LMX1A: variants seen among roughly 807,000 people sequenced by gnomAD.
The protein encoded by LMX1A is LIM homeobox transcription factor 1 alpha, also known as LIM homeobox transcription factor 1-alpha.
A neutral mutation model predicts 49.1 loss-of-function variants in LMX1A; 15 were observed. That is an observed-to-expected ratio of 0.31 (90% CI 0.20 to 0.47). LMX1A has a LOEUF of 0.47. LMX1A is among the 20% of genes least tolerant of loss of function. The pLI is 1.00. For synonymous variants in LMX1A, 167 were observed against 185.7 expected (o/e 0.90, Z 0.82); for missense variants, 372 against 475.8 (o/e 0.78, Z 2.03).
At chr1:165,340,830 T>C (rs1436917771) in intron 3 of LMX1A, among the ~76,000 whole-genome samples, 2 of 152,184 alleles carry the variant, frequency 1.3e-5, no homozygotes, top group African/African-American at 2.4e-5. Context: ...TTGTCCCTTC[T>C]GGATCATCTT....
rs368499907 is a variant in LMX1A at position 165,230,212 on chromosome 1, C to T, written c.497-16399G>A. Among the ~76,000 whole-genome samples, 15 of 152,288 alleles carry T rather than the reference C, an allele frequency of 9.8e-5. No individual in the cohort carries two copies. The East Asian group carries it at 2.9e-3, about 29-fold the overall frequency. Reference sequence around the variant, plus strand: ...ATAAATTTCAGTTGTTTATAAGCCACCCAGTTTATGGTATTTTGTTATTGC... The same window carrying T: ...ATAAATTTCAGTTGTTTATAAGCCATCCAGTTTATGGTATTTTGTTATTGC... On this transcript the variant is annotated intron_variant, in intron 4 of 8. Coordinates refer to ENST00000342310, the MANE Select transcript of LMX1A (RefSeq NM_177398.4).
intron 4 of LMX1A, among the ~76,000 whole-genome samples, chr1:165,215,751 A>T (rs1651620179): frequency 6.6e-6 from 1 of 152,238 alleles, no homozygotes; most frequent in Non-Finnish European, 1.5e-5. Flanking sequence ...TGACCCTTTC[A>T]ATATAAATGA....
At chr1:165,257,606 G>A (rs1487601380) in intron 3 of LMX1A, among the ~76,000 whole-genome samples, 1 of 152,190 alleles carries the variant, frequency 6.6e-6, no homozygotes, top group Admixed American at 6.5e-5. Flanking sequence ...TGACTCCAAA[G>A]AGATTGGGAA....
intron 3 of LMX1A, among the ~76,000 whole-genome samples, chr1:165,251,989 C>T (rs1308372480): frequency 6.6e-6 from 1 of 152,172 alleles, no homozygotes; most frequent in Non-Finnish European, 1.5e-5. Flanking sequence ...CTTCATATTT[C>T]CTTTTTTCTG....
At chr1:165,318,672 C>T (rs1655290038) in intron 3 of LMX1A, among the ~76,000 whole-genome samples, 1 of 152,100 alleles carries the variant, frequency 6.6e-6, no homozygotes, top group South Asian at 2.1e-4. Context: ...CAAGACCCAG[C>T]TAGTGTGATT....
Position 165,271,785 on chromosome 1 carries a change from C to A in LMX1A, c.264-22145G>T, listed in dbSNP as rs79177166. ...AGCCAGAGGAAGCCAGAAGAGCTGA[C>A]TCTTGAGGGCTGGGAAGGATTTAGG... On this transcript the variant is annotated intron_variant, in intron 3 of 8. Transcript: ENST00000342310. 8.3e-3 allele frequency among the ~76,000 whole-genome samples: 1,255 copies of A among 152,000 alleles called. 5 individuals are homozygous for A. The highest frequency in any genetic ancestry group is 0.011 in the Non-Finnish European group (737 of 67,956).
intron 3 of LMX1A, among the ~76,000 whole-genome samples, chr1:165,321,819 C>G (rs766015578): frequency 6.6e-6 from 1 of 152,074 alleles, no homozygotes; most frequent in Non-Finnish European, 1.5e-5. Context: ...AATGAAAAGA[C>G]AACCCACAGA....
Position 165,356,536 on chromosome 1 carries a change from C to G in LMX1A, c.-204G>C, listed in dbSNP as rs187905560. 1 of 152,190 alleles carries G rather than the reference C, an allele frequency of 6.6e-6. No homozygotes were observed. The allele number at this position is 152,190 out of a possible 1,614,324, so 9.4% of individuals were successfully genotyped here. ...CGCTGGCTCTGCTCCTCGGCGCGCC[C>G]AGGCTGGGCCGGGACGTGGTCGCGA... On this transcript the variant is annotated 5_prime_UTR_variant, in exon 1 of 9. Transcript: ENST00000342310.
chr1:165,342,900 G>A (rs1412673161), intron 3 of LMX1A, among the ~76,000 whole-genome samples: 2 of 151,894 alleles, frequency 1.3e-5, no homozygotes, highest in African/African-American at 4.8e-5. Flanking sequence ...TTAGAGGCTG[G>A]GGACAGCATC....
At chr1:165,205,282 T>C (rs1442753770) in intron 8 of LMX1A, among the ~76,000 whole-genome samples, 1 of 152,192 alleles carries the variant, frequency 6.6e-6, no homozygotes, top group Non-Finnish European at 1.5e-5. Flanking sequence ...TGTTGTCCAT[T>C]AGCTTAAGCA....
chr1:165,318,705 T>G (rs543594894), intron 3 of LMX1A, among the ~76,000 whole-genome samples: 1 of 152,056 alleles, frequency 6.6e-6, no homozygotes, highest in South Asian at 2.1e-4. Flanking sequence ...ACCCTTCACC[T>G]TTTGGCCCTA....
At position 165,201,885 on chromosome 1, in the gene LMX1A, A is replaced by T. The variant is rs530596946; in HGVS notation, c.*1995T>A. 1 of 152,336 alleles carries T rather than the reference A, an allele frequency of 6.6e-6. No individual in the cohort carries two copies. The highest frequency in any genetic ancestry group is 2.4e-5 in the African/African-American group (1 of 41,430). The allele number at this position is 152,336 out of a possible 1,614,324, so 9.4% of individuals were successfully genotyped here. On this transcript the variant is annotated 3_prime_UTR_variant, in exon 9 of 9. Transcript: ENST00000342310. ...CAACAGCTCATTTGTAAGAGATTTT[A>T]ATTTCATCTTGGTATGCCATTAAGG...
chr1:165,251,083 C>T (rs1195340272), intron 3 of LMX1A, among the ~76,000 whole-genome samples: 12 of 143,720 alleles, frequency 8.3e-5, no homozygotes, highest in African/African-American at 2.8e-4. Context: ...TATTGAATGG[C>T]TTTTTTTTTT....
chr1:165,275,027 AT>A (rs1013772171), intron 3 of LMX1A, among the ~76,000 whole-genome samples: 3 of 152,058 alleles, frequency 2.0e-5, no homozygotes, highest in African/African-American at 7.2e-5. Flanking sequence ...GCCAGAGTGA[AT>A]TTTTTTGGTC....
At chr1:165,330,374 T>A (rs1274370575) in intron 3 of LMX1A, among the ~76,000 whole-genome samples, 3 of 152,236 alleles carry the variant, frequency 2.0e-5, no homozygotes, top group Non-Finnish European at 2.9e-5. Context: ...TTTGGGAGGC[T>A]GTGGCAGGAT....
intron 4 of LMX1A, among the ~76,000 whole-genome samples, chr1:165,226,277 T>C (rs1370771988): frequency 6.6e-6 from 1 of 152,222 alleles, no homozygotes; most frequent in Non-Finnish European, 1.5e-5. Context: ...TGCATCATGA[T>C]TCATCTCCCC....
chr1:165,347,322 G>A (rs1656281845), intron 3 of LMX1A, among the ~76,000 whole-genome samples: 1 of 152,206 alleles, frequency 6.6e-6, no homozygotes, highest in South Asian at 2.1e-4. Flanking sequence ...CTGTCCTAAT[G>A]TTCCTAAGAG....
At chr1:165,231,202 A>G (rs963252706) in intron 4 of LMX1A, among the ~76,000 whole-genome samples, 3 of 152,140 alleles carry the variant, frequency 2.0e-5, no homozygotes, top group African/African-American at 7.2e-5. Flanking sequence ...GCACATGTAG[A>G]AAGTATAAGA....
At position 165,224,876 on chromosome 1, in the gene LMX1A, A is replaced by T. The variant is rs1405040853; in HGVS notation, c.497-11063T>A. Among the ~76,000 whole-genome samples, 3 of 152,296 alleles carry T rather than the reference A, an allele frequency of 2.0e-5. No individual in the cohort carries two copies. In the East Asian group the frequency reaches 5.8e-4, roughly 29 times the overall value. ...CTGGGATGAAATTTATTTCCCTTGA[A>T]CTACAATCTGAATCTCTTTCACATT... On this transcript the variant is annotated intron_variant, in intron 4 of 8. Coordinates refer to ENST00000342310, the MANE Select transcript of LMX1A (RefSeq NM_177398.4).
Sources: gnomAD v4.1 joint callset for allele counts (sites outside exome capture counted in the v4.1 genomes callset) on GRCh38, gnomAD v4.1.1 for gene constraint, MANE v1.5 for transcripts, NCBI Gene and HGNC (gene_info 2026-07-23, HGNC 2026-07-21) for gene names.